LINGO2: variants seen among roughly 807,000 people sequenced by gnomAD.
LINGO2 encodes the protein leucine rich repeat and Ig domain containing 2.
A neutral mutation model predicts 30.6 loss-of-function variants in LINGO2; 14 were observed. The observed-to-expected ratio is 0.46, with a 90% CI of 0.30 to 0.72. LINGO2 has a LOEUF of 0.72. Ranked by LOEUF, LINGO2 falls within the 30% of genes least tolerant of loss-of-function variation. LINGO2 has a pLI of 0.07. For synonymous variants in LINGO2, 317 were observed against 288.5 expected, an observed-to-expected ratio of 1.10 and a Z score of -1.00; for missense variants, 729 against 751.7, an observed-to-expected ratio of 0.97 and a Z score of 0.35.
intron 4 of LINGO2, among the ~76,000 whole-genome samples, chr9:28,266,916 T>G (rs1822770971): frequency 6.6e-6 from 1 of 151,984 alleles, no homozygotes; most frequent in Non-Finnish European, 1.5e-5. Context: ...CATCTGAACA[T>G]AATACACTAG....
chr9:28,873,392 A>AG, the LINGO2 span, among the ~76,000 whole-genome samples: 16 of 117,080 alleles, frequency 1.4e-4, no homozygotes, highest in East Asian at 4.5e-4. Context: ...AAAAAAAAAG[A>AG]AAAAAAAAAA....
At chr9:28,317,730 T>C (rs1159394012) in intron 3 of LINGO2, among the ~76,000 whole-genome samples, 1 of 152,138 alleles carries the variant, frequency 6.6e-6, no homozygotes, top group Non-Finnish European at 1.5e-5. Flanking sequence ...ATAGTAAAAA[T>C]GAAATATTAT....
chr9:28,661,593 T>A (rs989280072), intron 1 of LINGO2, among the ~76,000 whole-genome samples: 1 of 152,208 alleles, frequency 6.6e-6, no homozygotes, highest in Non-Finnish European at 1.5e-5. Flanking sequence ...CTCAGAAATG[T>A]TAACCTGGAT....
At chr9:28,080,958 T>A (rs1825757392) in intron 4 of LINGO2, 1 of 152,204 alleles carries the variant, frequency 6.6e-6, no homozygotes, top group Admixed American at 6.5e-5. Context: ...GGATAGAGTA[T>A]CTGTGGCAGG....
chr9:28,571,091 G>A (rs1280577072), intron 1 of LINGO2, among the ~76,000 whole-genome samples: 4 of 151,950 alleles, frequency 2.6e-5, no homozygotes, highest in Non-Finnish European at 5.9e-5. Flanking sequence ...TAAAGGAGAT[G>A]AGATCCATGA....
At chr9:29,015,923 C>T in the LINGO2 span, among the ~76,000 whole-genome samples, 8 of 152,128 alleles carry the variant, frequency 5.3e-5, no homozygotes, top group Non-Finnish European at 1.0e-4. Context: ...CCCTTCATCA[C>T]GTTCTCAAGC....
the LINGO2 span, among the ~76,000 whole-genome samples, chr9:29,072,028 A>G: frequency 6.6e-6 from 1 of 152,134 alleles, no homozygotes; most frequent in African/African-American, 2.4e-5. Context: ...GAGTGATTAA[A>G]ATCATGGATT....
intron 1 of LINGO2, among the ~76,000 whole-genome samples, chr9:28,621,778 G>A (rs1311907451): frequency 6.6e-6 from 1 of 151,932 alleles, no homozygotes; most frequent in Non-Finnish European, 1.5e-5. Flanking sequence ...GTTTCCCAGT[G>A]CATATGAAAG....
At chr9:29,012,975 C>A in the LINGO2 span, among the ~76,000 whole-genome samples, 1 of 152,168 alleles carries the variant, frequency 6.6e-6, no homozygotes, top group South Asian at 2.1e-4. Context: ...AGTTCATCTT[C>A]TTGCTTCCCA....
chr9:29,094,651 A>G, the LINGO2 span, among the ~76,000 whole-genome samples: 100 of 139,054 alleles, frequency 7.2e-4, 28 homozygotes, highest in East Asian at 0.02. Flanking sequence ...GTAAAATATA[A>G]ACTGGATTTT....
chr9:28,416,541 G>A (rs1264561626), intron 2 of LINGO2, among the ~76,000 whole-genome samples: 1 of 152,154 alleles, frequency 6.6e-6, no homozygotes, highest in Non-Finnish European at 1.5e-5. Context: ...TTTAGAGAGA[G>A]ATAGGGAAAC....
At chr9:28,563,525 T>G (rs564282860) in intron 1 of LINGO2, among the ~76,000 whole-genome samples, 2 of 152,160 alleles carry the variant, frequency 1.3e-5, no homozygotes, top group Non-Finnish European at 2.9e-5. Context: ...TAGAAACACA[T>G]GTAATCTCAA....
At chr9:27,994,973 T>A (rs902099939) in intron 5 of LINGO2, among the ~76,000 whole-genome samples, 3 of 152,128 alleles carry the variant, frequency 2.0e-5, no homozygotes, top group African/African-American at 7.2e-5. Context: ...GCTAAATTAG[T>A]CACTTGGCAG....
At chr9:28,844,785 G>T in the LINGO2 span, among the ~76,000 whole-genome samples, 1 of 151,708 alleles carries the variant, frequency 6.6e-6, no homozygotes, top group Non-Finnish European at 1.5e-5. Context: ...TTTATTTCAG[G>T]AGTGAACCCC....
intron 3 of LINGO2, among the ~76,000 whole-genome samples, chr9:28,308,880 A>T (rs1035955561): frequency 6.6e-6 from 1 of 152,248 alleles, no homozygotes; most frequent in Non-Finnish European, 1.5e-5. Context: ...AACCACAGTG[A>T]GATACCATCT....
the LINGO2 span, among the ~76,000 whole-genome samples, chr9:29,009,221 T>C: frequency 0.039 from 5,909 of 152,122 alleles, 128 homozygotes; most frequent in South Asian, 0.091. Context: ...GGGTATTCAG[T>C]TAGAAAAAGA....
the LINGO2 span, among the ~76,000 whole-genome samples, chr9:28,895,478 C>A: frequency 6.6e-6 from 1 of 152,058 alleles, no homozygotes; most frequent in African/African-American, 2.4e-5. Flanking sequence ...CCCTCTCACT[C>A]GTATCACCTG....
chr9:28,985,050 C>T, the LINGO2 span, among the ~76,000 whole-genome samples: 1 of 152,046 alleles, frequency 6.6e-6, no homozygotes. Flanking sequence ...GCTTCTGTAA[C>T]CACCATTCTA....
chr9:28,918,928 A>G, the LINGO2 span, among the ~76,000 whole-genome samples: 1 of 152,216 alleles, frequency 6.6e-6, no homozygotes. Flanking sequence ...CAAAGAGACT[A>G]AGCTAAGGAG....
Sources: gnomAD v4.1 joint callset for allele counts (sites outside exome capture counted in the v4.1 genomes callset) on GRCh38, gnomAD v4.1.1 for gene constraint, MANE v1.5 for transcripts, NCBI Gene and HGNC (gene_info 2026-07-23, HGNC 2026-07-21) for gene names.